CDH13: variants seen among roughly 807,000 people sequenced by gnomAD.
CDH13 encodes cadherin 13.
CDH13 carries 24 observed loss-of-function variants against 63.8 expected under a neutral mutation model. The ratio of observed to expected loss-of-function variants is 0.38; its 90% confidence interval spans 0.27 to 0.53. The LOEUF (loss-of-function observed/expected upper bound fraction) is 0.53, where lower values mean the gene tolerates loss of function less well. Among genes scored for constraint, CDH13 ranks in the 20% least tolerant of loss-of-function variants. The pLI is 0.85. For synonymous variants in CDH13, 503 were observed against 355.3 expected (o/e 1.42, Z -4.67); for missense variants, 1,049 against 903.1 (o/e 1.16, Z -2.07).
intron 5 of CDH13, among the ~76,000 whole-genome samples, chr16:83,325,466 A>T (rs890119003): frequency 6.6e-6 from 1 of 152,180 alleles, no homozygotes; most frequent in Non-Finnish European, 1.5e-5. Context: ...AAAAGGCCAG[A>T]TAACAGGTAC....
chr16:82,651,703 A>T (rs1015455593), intron 1 of CDH13, among the ~76,000 whole-genome samples: 79 of 152,220 alleles, frequency 5.2e-4, no homozygotes, highest in Non-Finnish European at 7.3e-5. Flanking sequence ...CAGTTGTAGG[A>T]AGTACAGCTG....
chr16:83,425,734 T>C (rs1004284864), intron 6 of CDH13, among the ~76,000 whole-genome samples: 1 of 145,574 alleles, frequency 6.9e-6, no homozygotes, highest in East Asian at 2.5e-4. Context: ...TATGAATACC[T>C]TTCTGTCTTT....
At chr16:82,696,684 TG>T (rs1416343050) in intron 1 of CDH13, among the ~76,000 whole-genome samples, 2 of 152,356 alleles carry the variant, frequency 1.3e-5, no homozygotes, top group East Asian at 3.9e-4. Flanking sequence ...TTAGGTCAAC[TG>T]TGGTGGTTTC....
At position 82,644,445 on chromosome 16, in the gene CDH13, G is replaced by T. The variant is rs758917397; in HGVS notation, c.45+17308G>T. On this transcript the variant is annotated intron_variant, in intron 1 of 13. Coordinates refer to ENST00000567109, the MANE Select transcript of CDH13 (RefSeq NM_001257.5). The surrounding 1 kb of genome is among the most constrained non-coding windows in gnomAD (Gnocchi z 5.7). ...TGTCTGCCCTCACTCGTGGGTTGATGATTTCTATCCTTTGTCATGTTGAAA... is the reference window on the plus strand; with the variant it reads ...TGTCTGCCCTCACTCGTGGGTTGATTATTTCTATCCTTTGTCATGTTGAAA... Among the ~76,000 whole-genome samples the T allele has an allele frequency of 2.0e-5, 3 of 152,262 alleles. No homozygotes were observed. Among genetic ancestry groups the T allele is most frequent in the African/African-American group, 4.8e-5 (2 of 41,532 alleles).
intron 7 of CDH13, among the ~76,000 whole-genome samples, chr16:83,519,093 T>C (rs2074769143): frequency 6.6e-6 from 1 of 152,168 alleles, no homozygotes; most frequent in African/African-American, 2.4e-5. Flanking sequence ...GCCTGGAAGC[T>C]TAGAATCTGG....
At chr16:83,352,990 G>T (rs898266400) in intron 6 of CDH13, among the ~76,000 whole-genome samples, 1 of 152,214 alleles carries the variant, frequency 6.6e-6, no homozygotes, top group Non-Finnish European at 1.5e-5. Context: ...AATACTGCAT[G>T]CTCTCACTTA....
At chr16:83,133,280 A>T (rs891277538) in intron 4 of CDH13, among the ~76,000 whole-genome samples, 13 of 152,208 alleles carry the variant, frequency 8.5e-5, no homozygotes, top group Admixed American at 3.9e-4. Flanking sequence ...TAAAATACAC[A>T]TTGGATTTCA....
intron 3 of CDH13, among the ~76,000 whole-genome samples, chr16:83,102,925 T>G (rs1258125138): frequency 2.6e-5 from 2 of 75,676 alleles, no homozygotes; most frequent in East Asian, 8.0e-4. Flanking sequence ...TTTTTTTTTC[T>G]TTTTCTTTTT....
intron 2 of CDH13, among the ~76,000 whole-genome samples, chr16:82,958,045 A>G (rs1477137909): frequency 6.6e-6 from 1 of 152,200 alleles, no homozygotes; most frequent in East Asian, 1.9e-4. Flanking sequence ...GTGAGGCACC[A>G]CAGCTCTGTC....
intron 1 of CDH13, among the ~76,000 whole-genome samples, chr16:82,740,154 A>AT (rs142822999): frequency 0.03 from 4,542 of 152,262 alleles, 104 homozygotes; most frequent in Middle Eastern, 0.099. Flanking sequence ...AAATATTCTT[A>AT]TTTACAATAT....
At chr16:83,754,632 T>C (rs543520) in intron 11 of CDH13, among the ~76,000 whole-genome samples, 149,004 of 152,224 alleles carry the variant, frequency 0.98, 73,009 homozygotes, top group Non-Finnish European at 1. Context: ...ATAAGTCTCA[T>C]GAGATCTGAT....
At chr16:82,933,886 C>T (rs149945383) in intron 2 of CDH13, among the ~76,000 whole-genome samples, 238 of 152,330 alleles carry the variant, frequency 1.6e-3, no homozygotes, top group African/African-American at 5.4e-3. Context: ...GAAGTGTGTT[C>T]CCATGGCCTT....
intron 7 of CDH13, among the ~76,000 whole-genome samples, chr16:83,584,565 A>G (rs1905961460): frequency 6.6e-6 from 1 of 152,154 alleles, no homozygotes; most frequent in Non-Finnish European, 1.5e-5. Context: ...GAATGTAGAG[A>G]ATTGCATTCT....
chr16:83,271,560 TC>T lies in CDH13; in HGVS notation c.636+54065del, dbSNP rs200053021. On this transcript the variant is annotated intron_variant, in intron 5 of 13. Coordinates refer to ENST00000567109, the MANE Select transcript of CDH13 (RefSeq NM_001257.5). ...AAAACGCTGTACCTAGAAGTAACTG[TC>T]CAGAAAAGAATAATATAATGCATAC... Among the ~76,000 whole-genome samples, 1,277 of 147,826 alleles carry T rather than the reference TC, an allele frequency of 8.6e-3. 14 individuals are homozygous for T. Among genetic ancestry groups the T allele is most frequent in the African/African-American group, 0.03 (1,211 of 40,150 alleles).
At chr16:82,758,999 G>A (rs1298169787) in intron 1 of CDH13, among the ~76,000 whole-genome samples, 3 of 152,176 alleles carry the variant, frequency 2.0e-5, no homozygotes, top group Non-Finnish European at 4.4e-5. Context: ...ACAGTCTGCA[G>A]CCACTATCCT....
intron 1 of CDH13, among the ~76,000 whole-genome samples, chr16:82,634,026 T>C (rs1908347674): frequency 6.6e-6 from 1 of 152,254 alleles, no homozygotes; most frequent in Non-Finnish European, 1.5e-5. Context: ...ACGTTTTGAC[T>C]TGTCATGTCT....
intron 1 of CDH13, among the ~76,000 whole-genome samples, chr16:82,710,442 G>A (rs1297215007): frequency 7.1e-6 from 1 of 141,690 alleles, no homozygotes; most frequent in African/African-American, 2.6e-5. Flanking sequence ...TGAGACAGGA[G>A]AATGGCGTGA....
At chr16:82,837,413 C>T (rs899080257) in intron 1 of CDH13, among the ~76,000 whole-genome samples, 1 of 147,988 alleles carries the variant, frequency 6.8e-6, no homozygotes, top group Non-Finnish European at 1.5e-5. Context: ...CCCAAGACCA[C>T]CCCCAGGTTC....
At chr16:83,225,746 T>A (rs933317100) in intron 5 of CDH13, among the ~76,000 whole-genome samples, 1 of 152,230 alleles carries the variant, frequency 6.6e-6, no homozygotes, top group African/African-American at 2.4e-5. Flanking sequence ...TCTCAGAGTG[T>A]GACCAGGTGT....
Sources: gnomAD v4.1 joint callset for allele counts (sites outside exome capture counted in the v4.1 genomes callset) on GRCh38, gnomAD v4.1.1 for gene constraint, Gnocchi (gnomAD v3.1) non-coding constraint, MANE v1.5 for transcripts, NCBI Gene and HGNC (gene_info 2026-07-23, HGNC 2026-07-21) for gene names.